The following ADGRB3 variants were observed in gnomAD, a reference collection of about 807,000 sequenced individuals.
ADGRB3 encodes adhesion G protein-coupled receptor B3.
Under a neutral mutation model 193.4 loss-of-function variants are expected in ADGRB3, and 37 were observed. The observed-to-expected ratio is 0.19, with a 90% CI of 0.15 to 0.25. The LOEUF (loss-of-function observed/expected upper bound fraction) is 0.25. Ranked by LOEUF, ADGRB3 falls within the 10% of genes least tolerant of loss-of-function variation. The pLI is 1.00. For synonymous variants in ADGRB3, 690 were observed against 644.2 expected, an observed-to-expected ratio of 1.07 and a Z score of -1.08; for missense variants, 1,637 against 1,852.9, an observed-to-expected ratio of 0.88 and a Z score of 2.14.
At chr6:68,716,348 T>C (rs747366224) in intron 3 of ADGRB3, among the ~76,000 whole-genome samples, 1 of 151,726 alleles carries the variant, frequency 6.6e-6, no homozygotes, top group Non-Finnish European at 1.5e-5. Context: ...ATTGAATTGT[T>C]ATTATCCTGC....
At chr6:68,769,456 C>T (rs1766573588) in intron 3 of ADGRB3, among the ~76,000 whole-genome samples, 1 of 152,146 alleles carries the variant, frequency 6.6e-6, no homozygotes. Flanking sequence ...CCAAACACCG[C>T]TTGTTCTCAC....
chr6:68,914,464 A>G, intron 3 of ADGRB3, among the ~76,000 whole-genome samples: 1 of 152,114 alleles, frequency 6.6e-6, no homozygotes, highest in African/African-American at 2.4e-5. Context: ...GTGAAGGAGA[A>G]ATAAAATACT....
At chr6:69,049,370 T>C (rs1429183228) in intron 15 of ADGRB3, 24 bp downstream of exon 15, 1 of 1,502,334 alleles carries the variant, frequency 6.7e-7, no homozygotes, top group South Asian at 1.2e-5. Context: ...TAATAAACTG[T>C]TGTAATTTTG....
chr6:69,327,882 G>A lies in ADGRB3; in HGVS notation c.3028G>A (p.Asp1010Asn). ...CACCAGAACAAAAGGATATGGCACT[G>A]ATCACTAGTAAGTCCATCCACAGAG... ...GFTRTKGYGTDHYCWLSLEGG... is the reference protein window; with the variant it reads ...GFTRTKGYGTNHYCWLSLEGG... Residue 1010 changes from aspartate (D) to asparagine (N), a missense_variant, in exon 22 of 32, where the codon GAT becomes AAT. This residue lies in a region of ADGRB3 where 87 missense variants were observed against 161.0 expected (regional missense o/e 0.54). Coordinates refer to ENST00000370598, the MANE Select transcript of ADGRB3 (RefSeq NM_001704.3). 6.2e-7 allele frequency: 1 copy of A among 1,606,034 alleles called. No homozygotes were observed. The highest frequency in any genetic ancestry group is 8.5e-7 in the Non-Finnish European group (1 of 1,173,954).
intron 17 of ADGRB3, among the ~76,000 whole-genome samples, chr6:69,208,563 G>C (rs932907539): frequency 6.6e-6 from 1 of 152,216 alleles, no homozygotes; most frequent in Non-Finnish European, 1.5e-5. Context: ...GAAAGGGGCT[G>C]TCATGCTGCA....
In ADGRB3 at chr6:68,956,211, C is replaced by T. The variant is rs368679586; in HGVS notation, c.1360+23C>T. On this transcript the variant is annotated intron_variant, in intron 7 of 31. Transcript: ENST00000370598. ...CAGGTAGGGCTTGATTCCTGCATAT[C>T]ATGGGCACTCGTACCATGTAAAGGG... 37 of 1,588,258 alleles carry T rather than the reference C, an allele frequency of 2.3e-5. No homozygotes were observed. In the African/African-American group the frequency reaches 4.3e-4, roughly 19 times the overall value.
chr6:69,031,036 T>C (rs553596709), intron 13 of ADGRB3, among the ~76,000 whole-genome samples: 15 of 62,672 alleles, frequency 2.4e-4, no homozygotes, highest in African/African-American at 8.8e-4. Context: ...CCTCTTCTCT[T>C]CTCTCTTCTC....
chr6:68,831,303 TAAAAA>T (rs60991980), intron 3 of ADGRB3, among the ~76,000 whole-genome samples: 47,574 of 123,654 alleles, frequency 0.38, 8,779 homozygotes, highest in East Asian at 0.6. Context: ...TGGAGAAGAT[TAAAAA>T]AAAAAAAAAA....
At chr6:69,157,440 G>T (rs1157247468) in intron 17 of ADGRB3, among the ~76,000 whole-genome samples, 1 of 152,100 alleles carries the variant, frequency 6.6e-6, no homozygotes, top group Non-Finnish European at 1.5e-5. Context: ...ATTTCCAAGA[G>T]CATCTGCTAT....
chr6:68,955,492 C>A (rs1170964064), intron 6 of ADGRB3, among the ~76,000 whole-genome samples: 1 of 152,078 alleles, frequency 6.6e-6, no homozygotes, highest in East Asian at 1.9e-4. Flanking sequence ...ATAAGTGAAT[C>A]AAAAGATATA....
intron 10 of ADGRB3, among the ~76,000 whole-genome samples, chr6:68,984,993 G>A (rs1769029587): frequency 6.6e-6 from 1 of 152,006 alleles, no homozygotes; most frequent in Admixed American, 6.6e-5. Context: ...AGATGAAAAG[G>A]TATAAAACAG....
At chr6:69,332,539 A>C in intron 23 of ADGRB3, 1 of 985,400 alleles carries the variant, frequency 1.0e-6, no homozygotes, top group African/African-American at 1.7e-5. Context: ...TCATACTCTA[A>C]GATTCAGAAT....
At chr6:69,200,727 C>T (rs1481262221) in intron 17 of ADGRB3, among the ~76,000 whole-genome samples, 8 of 152,084 alleles carry the variant, frequency 5.3e-5, no homozygotes, top group African/African-American at 1.9e-4. Flanking sequence ...CATTCCATGA[C>T]TGTGCCACAG....
At chr6:69,005,076 T>A (rs1045030429) in intron 11 of ADGRB3, among the ~76,000 whole-genome samples, 1 of 152,152 alleles carries the variant, frequency 6.6e-6, no homozygotes, top group Non-Finnish European at 1.5e-5. Flanking sequence ...CTGAACATGA[T>A]GATGATTTTG....
intron 20 of ADGRB3, among the ~76,000 whole-genome samples, chr6:69,250,533 T>C (rs1160594365): frequency 6.6e-6 from 1 of 152,218 alleles, no homozygotes; most frequent in Non-Finnish European, 1.5e-5. Context: ...AACATATTTA[T>C]AATCCTCACC....
intron 3 of ADGRB3, among the ~76,000 whole-genome samples, chr6:68,742,891 A>T (rs1766007607): frequency 1.3e-5 from 2 of 151,640 alleles, no homozygotes; most frequent in Non-Finnish European, 2.9e-5. Context: ...ATAATTTTCT[A>T]TTTTTTCCTA....
At chr6:69,102,524 G>T (rs1457351582) in intron 17 of ADGRB3, among the ~76,000 whole-genome samples, 1 of 152,134 alleles carries the variant, frequency 6.6e-6, no homozygotes, top group African/African-American at 2.4e-5. Context: ...TGGCATTAGG[G>T]ATCAGGGGTT....
At chr6:68,743,994 GTA>G (rs1485737267) in intron 3 of ADGRB3, among the ~76,000 whole-genome samples, 1 of 151,848 alleles carries the variant, frequency 6.6e-6, no homozygotes, top group African/African-American at 2.4e-5. Flanking sequence ...ATGTATATAT[GTA>G]TATATATTTT....
chr6:69,212,838 C>T (rs892599958), intron 17 of ADGRB3, among the ~76,000 whole-genome samples: 1 of 152,210 alleles, frequency 6.6e-6, no homozygotes. Flanking sequence ...AGAACTTTCT[C>T]GATCTGTGGG....
Sources: allele counts gnomAD v4.1 joint callset (sites outside exome capture counted in the v4.1 genomes callset), GRCh38; gene constraint gnomAD v4.1.1; regional missense constraint gnomAD v4.1.1; transcripts MANE v1.5; gene names NCBI Gene and HGNC (gene_info 2026-07-23, HGNC 2026-07-21).